Variants in SLC24A2 observed in about 807,000 individuals in gnomAD.
SLC24A2 encodes the protein solute carrier family 24 member 2, also known as sodium/potassium/calcium exchanger 2.
A neutral mutation model predicts 62.0 loss-of-function variants in SLC24A2; 36 were observed. The observed-to-expected ratio is 0.58, with a 90% confidence interval of 0.44 to 0.77. The LOEUF is 0.77. Ranked by LOEUF, SLC24A2 falls within the 30% of genes least tolerant of loss-of-function variation. The pLI, the probability that SLC24A2 is intolerant of heterozygous loss-of-function variation, is 0.00. For missense variants in SLC24A2, 846 were observed against 817.9 expected, an observed-to-expected ratio of 1.03 and a Z score of -0.42; for synonymous variants, 358 against 294.0, an observed-to-expected ratio of 1.22 and a Z score of -2.23.
At chr9:20,113,556 A>G in the SLC24A2 span, among the ~76,000 whole-genome samples, 4 of 152,260 alleles carry the variant, frequency 2.6e-5, no homozygotes, top group Admixed American at 2.6e-4. Flanking sequence ...CCACTTTTTA[A>G]ATTTTGGTTA....
chr9:19,833,633 A>G, the SLC24A2 span, among the ~76,000 whole-genome samples: 1 of 152,230 alleles, frequency 6.6e-6, no homozygotes, highest in African/African-American at 2.4e-5. Context: ...CTGCCTCTGT[A>G]GGCTCCACCT....
At chr9:19,542,026 C>T (rs574657712) in intron 8 of SLC24A2, among the ~76,000 whole-genome samples, 2 of 152,222 alleles carry the variant, frequency 1.3e-5, no homozygotes, top group Admixed American at 6.5e-5. Context: ...CTGACCCTTG[C>T]GCTTCCCAGG....
rs1832901156 is a variant in SLC24A2, at chr9:19,515,872, C to T, written c.*281G>A. On this transcript the variant is annotated 3_prime_UTR_variant, in exon 11 of 11. Transcript: ENST00000341998. Reference sequence around the variant, plus strand: ...GTGTCCTTGTTTGCATCGACTGTACCTCCGACCAGCGAGGTGTACTTGTCA... The same window carrying T: ...GTGTCCTTGTTTGCATCGACTGTACTTCCGACCAGCGAGGTGTACTTGTCA... 2.3e-6 allele frequency: 1 copy of T among 441,084 alleles called. No individual in the cohort carries two copies. The highest frequency in any genetic ancestry group is 2.0e-5 in the African/African-American group (1 of 50,034). The allele number at this position is 441,084 out of a possible 1,614,324, so 27.3% of individuals were successfully genotyped here. A position where few individuals can be genotyped will look rare whatever the true frequency, so the allele number is the denominator to read the frequency against.
At chr9:19,900,735 T>C in the SLC24A2 span, among the ~76,000 whole-genome samples, 2 of 152,238 alleles carry the variant, frequency 1.3e-5, no homozygotes, top group Non-Finnish European at 2.9e-5. Flanking sequence ...AGTAGTTCTA[T>C]CATGATCTTT....
chr9:20,103,157 C>A, the SLC24A2 span, among the ~76,000 whole-genome samples: 3 of 152,204 alleles, frequency 2.0e-5, no homozygotes, highest in Admixed American at 6.5e-5. Context: ...GGGCACCCAC[C>A]ATTGCCCAGG....
intron 8 of SLC24A2, among the ~76,000 whole-genome samples, chr9:19,536,265 T>A (rs1266410623): frequency 1.3e-5 from 2 of 151,158 alleles, no homozygotes; most frequent in Non-Finnish European, 2.9e-5. Flanking sequence ...GTTAGTTACA[T>A]ATGTATACAT....
intron 2 of SLC24A2, among the ~76,000 whole-genome samples, chr9:19,634,382 G>A (rs547285272): frequency 1.4e-5 from 2 of 138,834 alleles, no homozygotes; most frequent in African/African-American, 5.3e-5. Context: ...TCCACCTCCC[G>A]GTTTCAAGCA....
Position 19,541,203 on chromosome 9 carries a change from G to A in SLC24A2, c.1479+8934C>T, listed in dbSNP as rs1284084853. 5.5e-4 allele frequency among the ~76,000 whole-genome samples: 77 copies of A among 141,118 alleles called. 1 individual carries two copies. In the East Asian group the frequency reaches 0.014, roughly 25 times the overall value. 92.6% of individuals were successfully genotyped at this position (141,118 alleles called of 152,430 possible). A position where few individuals can be genotyped will look rare whatever the true frequency, so the allele number is the denominator to read the frequency against. ...GATCGTCTGAAGCCTTCTTCTCTCAGCTCGTCAAAATCATTCTCCATCCAG... is the reference window on the plus strand; with the variant it reads ...GATCGTCTGAAGCCTTCTTCTCTCAACTCGTCAAAATCATTCTCCATCCAG... On this transcript the variant is annotated intron_variant, in intron 8 of 10. Coordinates refer to ENST00000341998, the MANE Select transcript of SLC24A2 (RefSeq NM_020344.4).
At chr9:19,551,732 G>A (rs1395745042) in intron 7 of SLC24A2, among the ~76,000 whole-genome samples, 1 of 152,166 alleles carries the variant, frequency 6.6e-6, no homozygotes, top group Non-Finnish European at 1.5e-5. Flanking sequence ...GCTCAGGTCA[G>A]CTGGCCTTGA....
At chr9:19,944,239 A>G in the SLC24A2 span, among the ~76,000 whole-genome samples, 2 of 152,148 alleles carry the variant, frequency 1.3e-5, no homozygotes, top group Admixed American at 6.6e-5. Context: ...AAGCAGCTCA[A>G]ATTTTTCCAG....
the SLC24A2 span, among the ~76,000 whole-genome samples, chr9:20,038,447 G>T: frequency 6.6e-6 from 1 of 152,306 alleles, no homozygotes; most frequent in East Asian, 1.9e-4. Context: ...AGTGTCAGAG[G>T]TGGAAGGCCT....
At chr9:19,858,513 A>C in the SLC24A2 span, among the ~76,000 whole-genome samples, 1 of 152,248 alleles carries the variant, frequency 6.6e-6, no homozygotes, top group Non-Finnish European at 1.5e-5. Context: ...GAACCTAATT[A>C]AAGAGTTTCT....
At chr9:20,162,544 C>G in the SLC24A2 span, among the ~76,000 whole-genome samples, 1 of 151,978 alleles carries the variant, frequency 6.6e-6, no homozygotes, top group Non-Finnish European at 1.5e-5. Context: ...CGAATTCTAC[C>G]AGAAGTACAA....
chr9:20,096,081 ATCCATCCGTCCGTCCGTCCGTCCGTCCG>A, the SLC24A2 span, among the ~76,000 whole-genome samples: 1 of 139,602 alleles, frequency 7.2e-6, no homozygotes, highest in Non-Finnish European at 1.5e-5. Flanking sequence ...CCATCCATCC[ATCCATCCGTCCGTCCGTCCGTCCGTCCG>A]TCCGTCCGTC....
the SLC24A2 span, among the ~76,000 whole-genome samples, chr9:20,278,056 G>T: frequency 6.6e-6 from 1 of 151,946 alleles, no homozygotes; most frequent in Non-Finnish European, 1.5e-5. Context: ...TGGACACAGG[G>T]TGGGGAACAT....
chr9:20,010,879 G>C, the SLC24A2 span, among the ~76,000 whole-genome samples: 10 of 150,906 alleles, frequency 6.6e-5, no homozygotes, highest in Non-Finnish European at 4.4e-5. Context: ...TTGTCCTTGT[G>C]ATAGTTTGCT....
chr9:19,842,935 T>C, the SLC24A2 span, among the ~76,000 whole-genome samples: 1 of 152,202 alleles, frequency 6.6e-6, no homozygotes, highest in Non-Finnish European at 1.5e-5. Context: ...TGTTGGATTA[T>C]CACTTAATTA....
At chr9:19,675,721 C>A (rs1437467440) in intron 2 of SLC24A2, among the ~76,000 whole-genome samples, 2 of 152,092 alleles carry the variant, frequency 1.3e-5, no homozygotes, top group Non-Finnish European at 2.9e-5. Context: ...ACAAAAGCAC[C>A]AAGTTTATTT....
chr9:19,556,042 T>C (rs911421739), intron 7 of SLC24A2, among the ~76,000 whole-genome samples: 6 of 152,168 alleles, frequency 3.9e-5, no homozygotes, highest in South Asian at 2.1e-4. Flanking sequence ...ATACCGAACA[T>C]TGAAATCTGG....
Sources: allele counts gnomAD v4.1 joint callset (sites outside exome capture counted in the v4.1 genomes callset), GRCh38; gene constraint gnomAD v4.1.1; transcripts MANE v1.5; gene names NCBI Gene and HGNC (gene_info 2026-07-23, HGNC 2026-07-21).